Variants in MAGI3 observed in about 807,000 individuals in gnomAD.
MAGI3 encodes membrane associated guanylate kinase, WW and PDZ domain containing 3, also known as membrane-associated guanylate kinase, WW and PDZ domain-containing protein 3.
In MAGI3, 43 loss-of-function variants were observed where a neutral mutation model predicts 121.8. The ratio of observed to expected loss-of-function variants is 0.35; its 90% CI spans 0.28 to 0.46. MAGI3 has a LOEUF of 0.46. Among genes scored for constraint, MAGI3 ranks in the 20% least tolerant of loss-of-function variants. The pLI, the probability that MAGI3 is intolerant of heterozygous loss-of-function variation, is 1.00. For synonymous variants in MAGI3, 553 were observed against 639.3 expected (o/e 0.86, Z 2.04); for missense variants, 1,547 against 1,797.3 (o/e 0.86, Z 2.52).
At chr1:113,439,319 C>T (rs926212769) in intron 1 of MAGI3, among the ~76,000 whole-genome samples, 3 of 152,172 alleles carry the variant, frequency 2.0e-5, no homozygotes, top group African/African-American at 7.2e-5. Context: ...AACTGGTAAG[C>T]GAAATCATGG....
intron 1 of MAGI3, among the ~76,000 whole-genome samples, chr1:113,530,323 GA>G (rs35215967): frequency 0.035 from 4,605 of 132,820 alleles, 217 homozygotes; most frequent in African/African-American, 0.12. Flanking sequence ...TACCAGAAAG[GA>G]AAAAAAAAAA....
At chr1:113,445,617 T>C (rs1205063583) in intron 1 of MAGI3, among the ~76,000 whole-genome samples, 1 of 152,074 alleles carries the variant, frequency 6.6e-6, no homozygotes, top group Non-Finnish European at 1.5e-5. Context: ...AAAAATCATA[T>C]TTTTGAATGA....
At chr1:113,602,236 T>TA (rs994458210) in intron 6 of MAGI3, among the ~76,000 whole-genome samples, 7 of 151,548 alleles carry the variant, frequency 4.6e-5, no homozygotes, top group Middle Eastern at 6.3e-3. Flanking sequence ...AATAAAATTA[T>TA]AAAAAAAACT....
At chr1:113,437,008 GTT>G (rs1324595252) in intron 1 of MAGI3, among the ~76,000 whole-genome samples, 8 of 151,726 alleles carry the variant, frequency 5.3e-5, no homozygotes, top group Non-Finnish European at 8.8e-5. Context: ...TAGAGACAGG[GTT>G]TCACCGTGTT....
intron 1 of MAGI3, among the ~76,000 whole-genome samples, chr1:113,511,261 G>A (rs1201225959): frequency 6.6e-6 from 1 of 152,126 alleles, no homozygotes; most frequent in Non-Finnish European, 1.5e-5. Context: ...TTGTGGGTAG[G>A]GGGAGGTAAC....
chr1:113,424,871 C>T (rs1012332021), intron 1 of MAGI3, among the ~76,000 whole-genome samples: 11 of 152,172 alleles, frequency 7.2e-5, no homozygotes, highest in Non-Finnish European at 1.3e-4. Flanking sequence ...TGGTGGCTCA[C>T]GCCTGTAATC....
At chr1:113,428,624 A>T (rs1653142893) in intron 1 of MAGI3, among the ~76,000 whole-genome samples, 1 of 152,232 alleles carries the variant, frequency 6.6e-6, no homozygotes, top group Non-Finnish European at 1.5e-5. Context: ...TTATTTAATA[A>T]CATGTTTTAT....
intron 2 of MAGI3, among the ~76,000 whole-genome samples, chr1:113,560,054 C>T (rs1660159211): frequency 6.6e-6 from 1 of 152,136 alleles, no homozygotes; most frequent in Non-Finnish European, 1.5e-5. Context: ...ACTCTCCACC[C>T]CAAAACAACA....
At chr1:113,611,984 A>C (rs1048477702) in intron 6 of MAGI3, among the ~76,000 whole-genome samples, 2 of 133,194 alleles carry the variant, frequency 1.5e-5, no homozygotes, top group Admixed American at 1.5e-4. Flanking sequence ...TCGGTCTATC[A>C]CCAGGCTGGA....
At chr1:113,589,740 A>C (rs1219045678) in intron 4 of MAGI3, among the ~76,000 whole-genome samples, 1 of 152,090 alleles carries the variant, frequency 6.6e-6, no homozygotes, top group Non-Finnish European at 1.5e-5. Flanking sequence ...GATATTACAT[A>C]GCATCGTTTA....
intron 1 of MAGI3, among the ~76,000 whole-genome samples, chr1:113,543,764 A>G (rs1229231219): frequency 6.6e-6 from 1 of 151,496 alleles, no homozygotes; most frequent in Non-Finnish European, 1.5e-5. Flanking sequence ...GCTACTTGGG[A>G]GGCTGAGGTG....
intron 1 of MAGI3, among the ~76,000 whole-genome samples, chr1:113,537,199 C>T (rs570941240): frequency 1.3e-5 from 2 of 152,152 alleles, no homozygotes; most frequent in South Asian, 2.1e-4. Context: ...GAGCTAGAGC[C>T]GAGGGAACAT....
chr1:113,633,599 T>C (rs1177039153), intron 9 of MAGI3, among the ~76,000 whole-genome samples: 1 of 152,168 alleles, frequency 6.6e-6, no homozygotes, highest in African/African-American at 2.4e-5. Context: ...TATTCCACGG[T>C]GTATATGTGC....
At position 113,673,383 on chromosome 1, in the gene MAGI3, G is replaced by A. The variant is rs1260541342; in HGVS notation, c.3107G>A (p.Arg1036Gln). The A allele has an allele frequency of 1.2e-6, 2 of 1,612,200 alleles. No homozygotes were observed. The highest frequency in any genetic ancestry group is 1.7e-6 in the Non-Finnish European group (2 of 1,179,738). ...CCCCGGGGCTTTGGATTCAGCCTCC[G>A]AGGGGGGAAGGAGTACAACATGGGG... is the stretch of plus-strand genomic sequence containing the variant. ...RGPRGFGFSL[R>Q]GGKEYNMGLF... The change falls in exon 19 of 21, where the codon CGA becomes CAA. Residue 1036 changes from arginine (R) to glutamine (Q), a missense_variant. Coordinates refer to ENST00000307546, the MANE Select transcript of MAGI3 (RefSeq NM_001142782.2).
intron 1 of MAGI3, among the ~76,000 whole-genome samples, chr1:113,414,382 G>A (rs147226567): frequency 0.052 from 7,900 of 152,232 alleles, 250 homozygotes; most frequent in Non-Finnish European, 0.074. Context: ...TCAGGATGAT[G>A]TTGGCCTTAT....
At chr1:113,602,324 A>G (rs12731363) in intron 6 of MAGI3, among the ~76,000 whole-genome samples, 2 of 152,200 alleles carry the variant, frequency 1.3e-5, no homozygotes, top group Non-Finnish European at 2.9e-5. Context: ...CCTAAAAACT[A>G]TACAAATGCA....
At chr1:113,517,026 G>A (rs1406287184) in intron 1 of MAGI3, among the ~76,000 whole-genome samples, 1 of 151,748 alleles carries the variant, frequency 6.6e-6, no homozygotes, top group Non-Finnish European at 1.5e-5. Context: ...TCAAAAACAA[G>A]GAAAGTCTAA....
intron 1 of MAGI3, among the ~76,000 whole-genome samples, chr1:113,478,893 T>C (rs1655982119): frequency 6.6e-6 from 1 of 152,230 alleles, no homozygotes; most frequent in East Asian, 1.9e-4. Flanking sequence ...TGAGCTGTGG[T>C]GGGCTTCACC....
chr1:113,430,220 T>C (rs1653233631), intron 1 of MAGI3, among the ~76,000 whole-genome samples: 2 of 152,102 alleles, frequency 1.3e-5, no homozygotes, highest in South Asian at 4.2e-4. Flanking sequence ...AGGGAAGAGG[T>C]TGGAGTAGCT....
Sources: allele counts gnomAD v4.1 joint callset (sites outside exome capture counted in the v4.1 genomes callset), GRCh38; gene constraint gnomAD v4.1.1; transcripts MANE v1.5; gene names NCBI Gene and HGNC (gene_info 2026-07-23, HGNC 2026-07-21).